The following EEF1AKMT2 variants were observed in gnomAD, a reference collection of about 807,000 sequenced individuals.
The protein encoded by EEF1AKMT2 is EEF1A lysine methyltransferase 2.
In EEF1AKMT2, 32 loss-of-function variants were observed where a neutral mutation model predicts 35.8. The ratio of observed to expected loss-of-function variants is 0.89; its 90% confidence interval spans 0.67 to 1.20. EEF1AKMT2 has a LOEUF of 1.20. Ranked by LOEUF, EEF1AKMT2 falls within the 50% of genes most tolerant of loss-of-function variation. EEF1AKMT2 has a pLI of 0.00. For missense variants in EEF1AKMT2, 330 were observed against 347.5 expected, an observed-to-expected ratio of 0.95 and a Z score of 0.40; for synonymous variants, 121 against 133.7, an observed-to-expected ratio of 0.91 and a Z score of 0.65.
At chr10:124,790,528 A>T (rs955716201) in intron 1 of EEF1AKMT2, among the ~76,000 whole-genome samples, 190 bp from the exon 2 acceptor site, 1 of 152,074 alleles carries the variant, frequency 6.6e-6, no homozygotes, top group African/African-American at 2.4e-5. Flanking sequence ...GGGCAAGCAG[A>T]ATACGTTTAT....
intron 3 of EEF1AKMT2, among the ~76,000 whole-genome samples, chr10:124,775,924 T>G (rs1433944177): frequency 1.4e-5 from 2 of 148,002 alleles, no homozygotes; most frequent in Admixed American, 6.8e-5. Flanking sequence ...GGTTCCTTCT[T>G]TTTTTTTTTT....
chr10:124,758,026 C>T lies in EEF1AKMT2; in HGVS notation c.*2477G>A, dbSNP rs952937132. The T allele has an allele frequency of 1.3e-5, 2 of 152,198 alleles. No homozygotes were observed. The highest frequency in any genetic ancestry group is 4.8e-5 in the African/African-American group (2 of 41,450). The allele number at this position is 152,198 out of a possible 1,614,324, so 9.4% of individuals were successfully genotyped here. A position where few individuals can be genotyped will look rare whatever the true frequency, so the allele number is the denominator to read the frequency against. The stretch of plus-strand genomic sequence containing the variant: ...TCAATTCCCTTTGGACTTGCACACG[C>T]ACTTCCTACACACAGAAGTGGCCTG... On this transcript the variant is annotated 3_prime_UTR_variant, in exon 7 of 7. Coordinates refer to ENST00000368836, the MANE Select transcript of EEF1AKMT2 (RefSeq NM_212554.4).
intron 3 of EEF1AKMT2, among the ~76,000 whole-genome samples, chr10:124,783,139 T>C (rs1311706393): frequency 3.6e-5 from 1 of 27,466 alleles, no homozygotes; most frequent in Admixed American, 7.1e-4. Context: ...GGAAAAACCT[T>C]TTTTTTTTTT....
intron 5 of EEF1AKMT2, among the ~76,000 whole-genome samples, chr10:124,764,639 T>C (rs1300045884): frequency 6.6e-6 from 1 of 152,228 alleles, no homozygotes; most frequent in Non-Finnish European, 1.5e-5. Flanking sequence ...AAATAATTGT[T>C]CTATATCCTC....
At position 124,783,227 on chromosome 10, in the gene EEF1AKMT2, A is replaced by G. The variant is rs1229090548; in HGVS notation, c.291+5816T>C. 7.8e-5 allele frequency among the ~76,000 whole-genome samples: 10 copies of G among 128,270 alleles called. No homozygotes were observed. In the East Asian group the frequency reaches 1.4e-3, roughly 18 times the overall value. The allele number at this position is 128,270 out of a possible 152,430, so 84.2% of individuals were successfully genotyped here. ...GCCATCTCGGCTCACTGCAACCTCC[A>G]CCTCCCAGGTTCAAGCAATTCTCCC... On this transcript the variant is annotated intron_variant, in intron 3 of 6. Coordinates refer to ENST00000368836, the MANE Select transcript of EEF1AKMT2 (RefSeq NM_212554.4).
chr10:124,763,244 T>C (rs1229887699), intron 5 of EEF1AKMT2, among the ~76,000 whole-genome samples: 3 of 152,338 alleles, frequency 2.0e-5, no homozygotes, highest in South Asian at 2.1e-4. Flanking sequence ...AATTAGAACA[T>C]GGGCAACTGG....
In EEF1AKMT2 at chr10:124,759,785, T is replaced by TC. The variant is rs1323898022; in HGVS notation, c.*717dup. On this transcript the variant is annotated 3_prime_UTR_variant, in exon 7 of 7. Coordinates refer to ENST00000368836, the MANE Select transcript of EEF1AKMT2 (RefSeq NM_212554.4). ...AATAATAACATTCCTTAGTTCTCTTTCCTTCTACTACCCTTACAGTGTGTA... is the reference window on the plus strand; with the variant it reads ...AATAATAACATTCCTTAGTTCTCTTTCCCTTCTACTACCCTTACAGTGTGTA... 1 of 152,250 alleles carries TC rather than the reference T, an allele frequency of 6.6e-6. No homozygotes were observed. Among genetic ancestry groups the TC allele is most frequent in the African/African-American group, 2.4e-5 (1 of 41,484 alleles). The allele number at this position is 152,250 out of a possible 1,614,324, so 9.4% of individuals were successfully genotyped here. A position where few individuals can be genotyped will look rare whatever the true frequency, so the allele number is the denominator to read the frequency against.
chr10:124,765,798 T>C (rs1950373919), intron 4 of EEF1AKMT2, 190 bp from the exon 5 acceptor site: 5 of 529,386 alleles, frequency 9.4e-6, no homozygotes, highest in African/African-American at 3.8e-5. Context: ...AAAGCCAAGA[T>C]TAATAAGAGA....
intron 4 of EEF1AKMT2, among the ~76,000 whole-genome samples, chr10:124,770,080 T>A (rs11245362): frequency 6.6e-6 from 1 of 151,780 alleles, no homozygotes; most frequent in Non-Finnish European, 1.5e-5. Flanking sequence ...ATCAAGAGTT[T>A]GATACCACCC....
intron 3 of EEF1AKMT2, among the ~76,000 whole-genome samples, chr10:124,780,875 C>A (rs1306238668): frequency 6.6e-6 from 1 of 151,708 alleles, no homozygotes. Context: ...AAAAATGATG[C>A]ATTCATAGGA....
Position 124,790,258 on chromosome 10 carries a change from C to A in EEF1AKMT2, c.176+15G>T, listed in dbSNP as rs1360913352. The A allele has an allele frequency of 1.3e-6, 2 of 1,582,914 alleles. No individual in the cohort carries two copies. Among genetic ancestry groups the A allele is most frequent in the African/African-American group, 2.7e-5 (2 of 74,198 alleles). On this transcript the variant is annotated intron_variant, in intron 2 of 6. Coordinates refer to ENST00000368836, the MANE Select transcript of EEF1AKMT2 (RefSeq NM_212554.4). ...TAATCTTCTAGATTATAACTTGATT[C>A]TTTTCCTAACTCACCAGATTTCACC...
At chr10:124,789,352 T>A (rs1224218239) in intron 2 of EEF1AKMT2, among the ~76,000 whole-genome samples, 195 bp from the exon 3 acceptor site, 3 of 152,222 alleles carry the variant, frequency 2.0e-5, no homozygotes, top group Non-Finnish European at 1.5e-5. Flanking sequence ...AAGGTCAGTA[T>A]GTTATTTACT....
rs1448450999 is a variant in EEF1AKMT2, at chr10:124,774,740, G to A, written c.334C>T (p.Pro112Ser). ...FSNITGIDYSPSAIQLSGSII... is the reference protein window; with the variant it reads ...FSNITGIDYSSSAIQLSGSII... ...CTTCCAGAAAGCTGAATTGCAGAAG[G>A]AGAGTAATCAATTCCAGTAATATTA... Residue 112 changes from proline (P) to serine (S), a missense_variant, in exon 4 of 7, where the codon CCT (proline) becomes TCT (serine). Pro to Ser is a moderately conservative substitution (Grantham distance 74, BLOSUM62 -1). Transcript: ENST00000368836. 4 of 1,482,508 alleles carry A rather than the reference G, an allele frequency of 2.7e-6. No individual in the cohort carries two copies. Among genetic ancestry groups the A allele is most frequent in the South Asian group, 3.0e-5 (2 of 65,768 alleles). 91.8% of individuals were successfully genotyped at this position (1,482,508 alleles called of 1,614,324 possible). A position where few individuals can be genotyped will look rare whatever the true frequency, so the allele number is the denominator to read the frequency against.
chr10:124,762,522 G>T lies in EEF1AKMT2; in HGVS notation c.653C>A (p.Ala218Asp), dbSNP rs1353196182. 2.4e-6 allele frequency: 3 copies of T among 1,270,648 alleles called. No homozygotes were observed. The African/African-American group carries it at 4.6e-5, about 19-fold the overall frequency. The allele number at this position is 1,270,648 out of a possible 1,614,324, so 78.7% of individuals were successfully genotyped here. Residue 218 changes from alanine to aspartate, a missense_variant, in exon 6 of 7, where the codon GCC (alanine) becomes GAC (aspartate). Physicochemically the swap from Ala to Asp is moderately radical, Grantham distance 126. Coordinates refer to ENST00000368836, the MANE Select transcript of EEF1AKMT2 (RefSeq NM_212554.4). Reference protein sequence around the residue: ...STVAGFWLTAALTSWAQAIFS... With the variant: ...STVAGFWLTADLTSWAQAIFS... ...GATCGCTTGAGCCCAGGAAGTCAAG[G>T]CTGCAGTGAGCCAAAATCCTGCCAC...
chr10:124,764,377 G>A (rs1950359258), intron 5 of EEF1AKMT2, among the ~76,000 whole-genome samples: 1 of 149,790 alleles, frequency 6.7e-6, no homozygotes, highest in Non-Finnish European at 1.5e-5. Flanking sequence ...AGATTCTCAA[G>A]ATACTTTCCC....
At chr10:124,774,257 C>A (rs1169193552) in intron 4 of EEF1AKMT2, among the ~76,000 whole-genome samples, 2 of 151,508 alleles carry the variant, frequency 1.3e-5, no homozygotes, top group Non-Finnish European at 2.9e-5. Flanking sequence ...GTCCCAGCTA[C>A]TTCAGAGGCT....
chr10:124,775,460 TG>T (rs1212581866), intron 3 of EEF1AKMT2, among the ~76,000 whole-genome samples: 1 of 152,188 alleles, frequency 6.6e-6, no homozygotes, highest in Non-Finnish European at 1.5e-5. Context: ...TGGAAGCTTC[TG>T]GTCTTTACAC....
At chr10:124,790,776 CTT>C (rs904712967) in intron 1 of EEF1AKMT2, among the ~76,000 whole-genome samples, 1 of 150,146 alleles carries the variant, frequency 6.7e-6, no homozygotes, top group African/African-American at 2.4e-5. Flanking sequence ...CGCTTTTCTT[CTT>C]TTTTTGAGAC....
At chr10:124,781,009 G>T (rs541555962) in intron 3 of EEF1AKMT2, among the ~76,000 whole-genome samples, 2 of 151,674 alleles carry the variant, frequency 1.3e-5, no homozygotes, top group African/African-American at 4.8e-5. Context: ...GCAGTGGCGC[G>T]ATCTTGGCTC....
Sources: gnomAD v4.1 joint callset for allele counts (sites outside exome capture counted in the v4.1 genomes callset) on GRCh38, gnomAD v4.1.1 for gene constraint, MANE v1.5 for transcripts, NCBI Gene and HGNC (gene_info 2026-07-23, HGNC 2026-07-21) for gene names.